The following HECW2 variants were observed in gnomAD, a reference collection of about 807,000 sequenced individuals.
HECW2 encodes HECT, C2 and WW domain containing E3 ubiquitin protein ligase 2, also known as E3 ubiquitin-protein ligase HECW2.
Under a neutral mutation model 175.2 loss-of-function variants are expected in HECW2, and 61 were observed. The observed-to-expected ratio is 0.35, with a 90% confidence interval of 0.28 to 0.43. The LOEUF (loss-of-function observed/expected upper bound fraction) is 0.43. Among genes scored for constraint, HECW2 ranks in the 20% least tolerant of loss-of-function variants. HECW2 has a pLI of 1.00. For missense variants in HECW2, 1,524 were observed against 2,000.5 expected (o/e 0.76, Z 4.54); for synonymous variants, 671 against 731.0 (o/e 0.92, Z 1.32).
intron 21 of HECW2, among the ~76,000 whole-genome samples, chr2:196,234,010 C>G (rs1045582298): frequency 6.6e-6 from 1 of 152,160 alleles, no homozygotes; most frequent in Non-Finnish European, 1.5e-5. Flanking sequence ...TCTTAAACTC[C>G]CAAACTAAAA....
At chr2:196,299,538 A>G (rs1317546136) in intron 13 of HECW2, among the ~76,000 whole-genome samples, 2 of 152,200 alleles carry the variant, frequency 1.3e-5, no homozygotes, top group Non-Finnish European at 2.9e-5. Flanking sequence ...AAATAAAAAC[A>G]GACTGCTGGG....
chr2:196,578,769 A>T (rs570947469), intron 1 of HECW2, among the ~76,000 whole-genome samples: 1 of 152,310 alleles, frequency 6.6e-6, no homozygotes, highest in Non-Finnish European at 1.5e-5. Context: ...CCTTCAAAAA[A>T]TGAAGGCAAA....
chr2:196,582,154 AG>A (rs1381492149), intron 1 of HECW2, among the ~76,000 whole-genome samples: 1 of 152,180 alleles, frequency 6.6e-6, no homozygotes, highest in Non-Finnish European at 1.5e-5. Context: ...GCAAATCATT[AG>A]GAAGAATTTT....
chr2:196,381,965 T>C (rs1694218245), intron 2 of HECW2, among the ~76,000 whole-genome samples: 1 of 152,200 alleles, frequency 6.6e-6, no homozygotes, highest in Non-Finnish European at 1.5e-5. Flanking sequence ...TGTCCACTAC[T>C]TAACCCATCA....
rs760614607 is a variant in HECW2 at position 196,318,518 on chromosome 2, C to T, written c.2338+34G>A. The T allele has an allele frequency of 6.2e-6, 9 of 1,451,596 alleles. 1 individual carries two copies. Among genetic ancestry groups the T allele is most frequent in the South Asian group, 3.3e-5 (2 of 61,220 alleles). The allele number at this position is 1,451,596 out of a possible 1,614,324, so 89.9% of individuals were successfully genotyped here. ...GAACTTCTCTCTGCACAGCTACGCTCGAGCCAAGAGCCACAGTGGTGTCCA... is the reference window on the plus strand; with the variant it reads ...GAACTTCTCTCTGCACAGCTACGCTTGAGCCAAGAGCCACAGTGGTGTCCA... On this transcript the variant is annotated intron_variant, in intron 9 of 28. Coordinates refer to ENST00000644978, the MANE Select transcript of HECW2 (RefSeq NM_001348768.2).
chr2:196,479,873 C>T (rs563463138), intron 1 of HECW2, among the ~76,000 whole-genome samples: 1 of 152,308 alleles, frequency 6.6e-6, no homozygotes, highest in African/African-American at 2.4e-5. Context: ...AATGGTCTCC[C>T]TCCTTCAGAG....
chr2:196,498,310 T>G (rs553474648), intron 1 of HECW2, among the ~76,000 whole-genome samples: 1 of 152,344 alleles, frequency 6.6e-6, no homozygotes, highest in Non-Finnish European at 1.5e-5. Context: ...TGTAAATATC[T>G]TATTGCATGA....
chr2:196,350,431 T>C (rs995822586), intron 2 of HECW2, among the ~76,000 whole-genome samples: 15 of 152,218 alleles, frequency 9.9e-5, no homozygotes, highest in Non-Finnish European at 1.5e-5. Context: ...TTTAGTAGGT[T>C]TGAGTCTGGG....
rs1216491505 is a variant in HECW2 at position 196,371,250 on chromosome 2, T to C, written c.293-27486A>G. Among the ~76,000 whole-genome samples the C allele has an allele frequency of 6.6e-5, 10 of 152,236 alleles. No homozygotes were observed. The East Asian group carries it at 7.7e-4, about 12-fold the overall frequency. On this transcript the variant is annotated intron_variant, in intron 2 of 28. Transcript: ENST00000644978. The stretch of plus-strand genomic sequence containing the variant: ...ATATTAATGTACACGTATAGGTACA[T>C]GTCATTTTTGATTTTGCATATTCAT...
chr2:196,550,526 TTA>T (rs1689575066), intron 1 of HECW2, among the ~76,000 whole-genome samples: 1 of 152,248 alleles, frequency 6.6e-6, no homozygotes, highest in Non-Finnish European at 1.5e-5. Context: ...TCTATAAATG[TTA>T]TTAGGAATAA....
intron 1 of HECW2, among the ~76,000 whole-genome samples, chr2:196,486,308 C>T (rs1687003692): frequency 6.6e-6 from 1 of 152,208 alleles, no homozygotes; most frequent in African/African-American, 2.4e-5. Context: ...TCTCCAGAGC[C>T]TCCCTGCTGA....
At chr2:196,229,272 T>C (rs1279321209) in intron 21 of HECW2, among the ~76,000 whole-genome samples, 1 of 151,988 alleles carries the variant, frequency 6.6e-6, no homozygotes, top group African/African-American at 2.4e-5. Flanking sequence ...TTTTTTCTTC[T>C]TTTTGAATTT....
chr2:196,438,502 T>G (rs993145386), intron 1 of HECW2, among the ~76,000 whole-genome samples: 2 of 152,204 alleles, frequency 1.3e-5, no homozygotes, highest in Non-Finnish European at 2.9e-5. Context: ...TGACCACATT[T>G]CACGTCCTCC....
intron 2 of HECW2, among the ~76,000 whole-genome samples, chr2:196,356,872 A>AT (rs1693388197): frequency 6.6e-6 from 1 of 152,180 alleles, no homozygotes; most frequent in Non-Finnish European, 1.5e-5. Flanking sequence ...AGGGTTCAGC[A>AT]CTATCTGCAG....
intron 13 of HECW2, among the ~76,000 whole-genome samples, chr2:196,301,722 ATTG>A (rs762571889): frequency 1.4e-4 from 16 of 117,428 alleles, no homozygotes; most frequent in African/African-American, 4.2e-4. Flanking sequence ...TTTTAATGGG[ATTG>A]TTTTTTTTTT....
At position 196,199,799 on chromosome 2, in the gene HECW2, GAAGT is replaced by G. The variant is rs1347247974; in HGVS notation, c.*1474_*1477del. The stretch of plus-strand genomic sequence containing the variant: ...GAATACCTTCTCATAAAATTAAGCA[GAAGT>G]AAGACTAGTGATGTCATGCAGTTTT... On this transcript the variant is annotated 3_prime_UTR_variant, in exon 29 of 29. Coordinates refer to ENST00000644978, the MANE Select transcript of HECW2 (RefSeq NM_001348768.2). The G allele has an allele frequency of 6.6e-6, 1 of 152,136 alleles. No homozygotes were observed. The highest frequency in any genetic ancestry group is 6.5e-5 in the Admixed American group (1 of 15,274). The allele number at this position is 152,136 out of a possible 1,614,324, so 9.4% of individuals were successfully genotyped here.
chr2:196,292,574 G>C lies in HECW2; in HGVS notation c.2991C>G (p.His997Gln), dbSNP rs904207112. 6.2e-7 allele frequency: 1 copy of C among 1,612,956 alleles called. No homozygotes were observed. Among genetic ancestry groups the C allele is most frequent in the African/African-American group, 1.3e-5 (1 of 75,000 alleles). The change falls in exon 14 of 29, where the codon CAC becomes CAG. Residue 997 changes from histidine to glutamine, a missense_variant. This residue lies in a region of HECW2 where 291 missense variants were observed against 412.2 expected (regional missense o/e 0.71). Transcript: ENST00000644978. ...LPRGWEMKHD[H>Q]QGKAFFVDHN... is the part of the protein sequence containing the mutation. ...ATCTCCCTCGTGTTACCTTGCCCTGGTGATCATGTTTCATTTCCCATCCCC... is the reference window on the plus strand; with the variant it reads ...ATCTCCCTCGTGTTACCTTGCCCTGCTGATCATGTTTCATTTCCCATCCCC...
chr2:196,235,620 T>A (rs1688217049), intron 21 of HECW2, among the ~76,000 whole-genome samples: 1 of 151,776 alleles, frequency 6.6e-6, no homozygotes, highest in Admixed American at 6.6e-5. Context: ...ATTCACACCT[T>A]TTTTGGAGCA....
At position 196,201,089 on chromosome 2, in the gene HECW2, A is replaced by G; in HGVS notation, c.*188T>C. The G allele has an allele frequency of 3.6e-6, 2 of 551,484 alleles. No homozygotes were observed. The highest frequency in any genetic ancestry group is 6.6e-6 in the Non-Finnish European group (2 of 303,060). 34.2% of individuals were successfully genotyped at this position (551,484 alleles called of 1,614,324 possible). A position where few individuals can be genotyped will look rare whatever the true frequency, so the allele number is the denominator to read the frequency against. On this transcript the variant is annotated 3_prime_UTR_variant, in exon 29 of 29. Coordinates refer to ENST00000644978, the MANE Select transcript of HECW2 (RefSeq NM_001348768.2). ...GGGTTGTTCCCTGGGCATCAAGCTC[A>G]CCCAAATCCTTCCAAGAGGACTCAT...
Sources: gnomAD v4.1 joint callset for allele counts (sites outside exome capture counted in the v4.1 genomes callset) on GRCh38, gnomAD v4.1.1 for gene constraint, gnomAD v4.1.1 regional missense constraint, MANE v1.5 for transcripts, NCBI Gene and HGNC (gene_info 2026-07-23, HGNC 2026-07-21) for gene names.